The following DHPS variants were observed in gnomAD, a reference collection of about 807,000 sequenced individuals.
DHPS encodes migration-inducing gene 13.
A neutral mutation model predicts 38.7 loss-of-function variants in DHPS; 24 were observed. The observed-to-expected ratio is 0.62, with a 90% CI of 0.45 to 0.87. The LOEUF (loss-of-function observed/expected upper bound fraction) is 0.87. Ranked by LOEUF, DHPS falls within the 40% of genes least tolerant of loss-of-function variation. The probability of loss-of-function intolerance (pLI) is 0.00; values close to 1 mark genes in which losing one functional copy is unlikely to be tolerated. For synonymous variants in DHPS, 250 were observed against 204.4 expected, an observed-to-expected ratio of 1.22 and a Z score of -1.90; for missense variants, 510 against 497.6, an observed-to-expected ratio of 1.02 and a Z score of -0.24.
chr19:12,672,586 C>G (rs540657754), downstream of DHPS: 2 of 499,832 alleles, frequency 4.0e-6, no homozygotes, highest in African/African-American at 1.9e-5. Context: ...CCAGCCTGAG[C>G]AACAAGAGCA....
chr19:12,673,780 C>T (rs976932961), downstream of DHPS, among the ~76,000 whole-genome samples: 1 of 152,050 alleles, frequency 6.6e-6, no homozygotes, highest in Non-Finnish European at 1.5e-5. Context: ...CTCACTGCAA[C>T]CTCTTCCCCC....
At position 12,679,721 on chromosome 19, in the gene DHPS, T is replaced by C; in HGVS notation, c.495-2A>G. 5.0e-6 allele frequency: 8 copies of C among 1,614,178 alleles called. No individual in the cohort carries two copies. Among genetic ancestry groups the C allele is most frequent in the Non-Finnish European group, 6.8e-6 (8 of 1,180,030 alleles). ...TTGGGCACCAGCAGGTTTCCGATCCTGAGAACAGGAGGCATGTAGGCATCA... is the reference window on the plus strand; with the variant it reads ...TTGGGCACCAGCAGGTTTCCGATCCCGAGAACAGGAGGCATGTAGGCATCA... On this transcript the variant is annotated splice_acceptor_variant, in intron 3 of 8. Coordinates refer to ENST00000210060, the MANE Select transcript of DHPS (RefSeq NM_001930.4). LOFTEE classifies it high-confidence loss of function.
At position 12,677,400 on chromosome 19, in the gene DHPS, C is replaced by T; in HGVS notation, c.679-4G>A. On this transcript the variant is annotated splice_region_variant and splice_polypyrimidine_tract_variant and intron_variant, in intron 5 of 8. Transcript: ENST00000210060. ...GACTAAACACAGGGATGTGGTTCTG[C>T]AGAGAACATGACAGGACAGTGGCTG... 2 of 1,612,678 alleles carry T rather than the reference C, an allele frequency of 1.2e-6. No individual in the cohort carries two copies. The highest frequency in any genetic ancestry group is 1.1e-5 in the South Asian group (1 of 90,876).
At chr19:12,680,034 C>T (rs1321813086) in intron 2 of DHPS, 112 bp from the exon 3 acceptor site, 2 of 1,554,056 alleles carry the variant, frequency 1.3e-6, no homozygotes, top group Non-Finnish European at 8.7e-7. Flanking sequence ...AGCTCTGCTA[C>T]AAAACAAAAC....
chr19:12,677,239 T>C, intron 6 of DHPS, 28 bp from the exon 7 acceptor site: 5 of 1,614,038 alleles, frequency 3.1e-6, no homozygotes, highest in Non-Finnish European at 4.2e-6. Flanking sequence ...AAGTCAGGCC[T>C]TGGACTCAGC....
downstream of DHPS, chr19:12,672,728 C>A (rs1184697550): frequency 1.9e-6 from 2 of 1,068,834 alleles, no homozygotes; most frequent in East Asian, 2.6e-5. Flanking sequence ...AAGGCCAGAG[C>A]TTCAGAATTC....
downstream of DHPS, chr19:12,672,914 A>C: frequency 6.3e-7 from 1 of 1,599,870 alleles, no homozygotes; most frequent in Non-Finnish European, 8.5e-7. Flanking sequence ...CTACGTGGGC[A>C]GTGAGTGTGG....
rs768378716 is a variant in DHPS, at chr19:12,676,032, A to T, written c.999T>A (p.Asp333Glu). 1.2e-6 allele frequency: 2 copies of T among 1,614,050 alleles called. No individual in the cohort carries two copies. The highest frequency in any genetic ancestry group is 1.7e-6 in the Non-Finnish European group (2 of 1,179,964). ...CAGCGCTTACCTTGACGGGCTGTGC[A>T]TCCACCCGGATCTTGCCCCAGGAGA... Reference protein sequence around the residue: ...EAVSWGKIRVDAQPVKVYADA... With the variant: ...EAVSWGKIRVEAQPVKVYADA... Residue 333 changes from aspartate to glutamate, a missense_variant, in exon 8 of 9, where the codon GAT becomes GAA. Physicochemically the swap from Asp to Glu is conservative, Grantham distance 45. Coordinates refer to ENST00000210060, the MANE Select transcript of DHPS (RefSeq NM_001930.4).
At chr19:12,677,652 C>A (rs1555713169) in intron 5 of DHPS, among the ~76,000 whole-genome samples, 1 of 151,564 alleles carries the variant, frequency 6.6e-6, no homozygotes, top group Non-Finnish European at 1.5e-5. Context: ...TTTTTTATTC[C>A]CTGAGACGGA....
At chr19:12,675,967 C>T in intron 8 of DHPS, 34 bp from the exon 9 acceptor site, 5 of 1,605,628 alleles carry the variant, frequency 3.1e-6, no homozygotes, top group Non-Finnish European at 3.4e-6. Context: ...AGCCATGGGA[C>T]CCACACTCAT....
At chr19:12,673,880 A>G (rs577150024), downstream of DHPS, among the ~76,000 whole-genome samples, 2 of 152,028 alleles carry the variant, frequency 1.3e-5, no homozygotes, top group South Asian at 4.2e-4. Context: ...TTGTATTTTT[A>G]GTAGAGACAG....
downstream of DHPS, chr19:12,673,168 G>A: frequency 6.2e-7 from 1 of 1,612,964 alleles, no homozygotes; most frequent in East Asian, 2.2e-5. Flanking sequence ...CACCCCTGGA[G>A]AGGACCAAGC....
chr19:12,675,633 G>A (rs2024552745), downstream of DHPS: 1 of 1,602,228 alleles, frequency 6.2e-7, no homozygotes, highest in Admixed American at 1.7e-5. Flanking sequence ...TCCAGTGCTG[G>A]CGAGAGGAGG....
chr19:12,674,634 G>A (rs977830202), downstream of DHPS, among the ~76,000 whole-genome samples: 2 of 152,180 alleles, frequency 1.3e-5, no homozygotes, highest in African/African-American at 4.8e-5. Context: ...ATTGTGTTGG[G>A]ACCAGGGGAA....
chr19:12,673,892 G>T (rs1163926613), downstream of DHPS, among the ~76,000 whole-genome samples: 3 of 152,034 alleles, frequency 2.0e-5, no homozygotes, highest in Non-Finnish European at 4.4e-5. Flanking sequence ...TAGAGACAGG[G>T]TTTCACCATG....
At chr19:12,679,362 G>T in intron 5 of DHPS, 95 bp downstream of exon 5, 2 of 1,190,594 alleles carry the variant, frequency 1.7e-6, no homozygotes, top group Non-Finnish European at 2.5e-6. Flanking sequence ...TGAGGATGCT[G>T]AGAATAACAG....
At chr19:12,679,145 A>T (rs185448202) in intron 5 of DHPS, among the ~76,000 whole-genome samples, 4 of 152,210 alleles carry the variant, frequency 2.6e-5, no homozygotes, top group African/African-American at 9.6e-5. Flanking sequence ...AAAAATTTTT[A>T]AAATTAGCTG....
downstream of DHPS, chr19:12,672,691 A>T (rs2024457743): frequency 1.4e-6 from 1 of 701,268 alleles, no homozygotes; most frequent in South Asian, 1.7e-5. Flanking sequence ...ATGGAGTAGG[A>T]CGTAATTGGC....
Position 12,677,273 on chromosome 19 carries a change from G to A in DHPS, c.784+18C>T. ...GCCAGCCCTCCTTCCCCTCTCCTCT[G>A]TGGCCCTAGCGCCTCACCCTCAACG... On this transcript the variant is annotated intron_variant, in intron 6 of 8. Coordinates refer to ENST00000210060, the MANE Select transcript of DHPS (RefSeq NM_001930.4). 1 of 1,613,986 alleles carries A rather than the reference G, an allele frequency of 6.2e-7. No individual in the cohort carries two copies. Among genetic ancestry groups the A allele is most frequent in the Non-Finnish European group, 8.5e-7 (1 of 1,179,862 alleles).
Sources: allele counts gnomAD v4.1 joint callset (sites outside exome capture counted in the v4.1 genomes callset), GRCh38; gene constraint gnomAD v4.1.1; transcripts MANE v1.5; gene names NCBI Gene and HGNC (gene_info 2026-07-23, HGNC 2026-07-21).